Variants in SLC25A48 observed in about 807,000 individuals in gnomAD.
SLC25A48 encodes the protein CTC-321K16.1.
A neutral mutation model predicts 32.2 loss-of-function variants in SLC25A48; 29 were observed. The ratio of observed to expected loss-of-function variants is 0.90; its 90% CI spans 0.67 to 1.23. The LOEUF is 1.23. SLC25A48 is among the 50% of genes most tolerant of loss of function. SLC25A48 has a pLI of 0.00. For missense variants in SLC25A48, 399 were observed against 422.7 expected (o/e 0.94, Z 0.49); for synonymous variants, 164 against 172.3 (o/e 0.95, Z 0.38).
chr5:135,837,421 T>C (rs1484817579), intron 1 of SLC25A48, among the ~76,000 whole-genome samples: 4 of 152,182 alleles, frequency 2.6e-5, no homozygotes, highest in Non-Finnish European at 4.4e-5. Flanking sequence ...AACACAGATA[T>C]TTCCTTCCTC....
chr5:135,689,053 G>T (rs1343014160), intron 3 of SLC25A48, among the ~76,000 whole-genome samples: 1 of 152,110 alleles, frequency 6.6e-6, no homozygotes, highest in Admixed American at 6.6e-5. Flanking sequence ...TAAGATCAAG[G>T]CTACATAGCT....
chr5:135,717,031 A>C (rs1006983127), intron 3 of SLC25A48, among the ~76,000 whole-genome samples: 11 of 152,182 alleles, frequency 7.2e-5, no homozygotes, highest in African/African-American at 2.7e-4. Context: ...GCAACCCCCA[A>C]GCATGATGTT....
intron 3 of SLC25A48, among the ~76,000 whole-genome samples, chr5:135,809,822 C>T (rs1406285074): frequency 1.3e-5 from 2 of 152,164 alleles, no homozygotes; most frequent in African/African-American, 4.8e-5. Flanking sequence ...GTGAGTGGTA[C>T]TCCACGGTAC....
chr5:135,733,231 CT>C (rs916558221), intron 3 of SLC25A48, among the ~76,000 whole-genome samples: 1 of 152,166 alleles, frequency 6.6e-6, no homozygotes, highest in African/African-American at 2.4e-5. Context: ...CATAGCCTGC[CT>C]TTGCCGGTGA....
intron 4 of SLC25A48, among the ~76,000 whole-genome samples, chr5:135,871,072 C>G (rs907349431): frequency 1.2e-5 from 1 of 84,006 alleles, no homozygotes; most frequent in Non-Finnish European, 2.3e-5. Context: ...CACACACACA[C>G]ACACACACAC....
chr5:135,786,693 C>G (rs1241920238), intron 3 of SLC25A48, among the ~76,000 whole-genome samples: 1 of 151,238 alleles, frequency 6.6e-6, no homozygotes, highest in Non-Finnish European at 1.5e-5. Flanking sequence ...TCACCATGTG[C>G]GTACACCCTC....
intron 3 of SLC25A48, among the ~76,000 whole-genome samples, chr5:135,671,141 TC>T (rs1346375745): frequency 6.6e-6 from 1 of 151,932 alleles, no homozygotes; most frequent in Non-Finnish European, 1.5e-5. Flanking sequence ...AAAACCTAAC[TC>T]TAACATCAGA....
At chr5:135,627,282 G>A (rs1561764731) in intron 1 of SLC25A48, among the ~76,000 whole-genome samples, 1 of 152,178 alleles carries the variant, frequency 6.6e-6, no homozygotes, top group Non-Finnish European at 1.5e-5. Flanking sequence ...GAAGGAAGAA[G>A]CAGGGTATTT....
chr5:135,663,501 G>C (rs1753452916), intron 3 of SLC25A48, among the ~76,000 whole-genome samples: 1 of 152,160 alleles, frequency 6.6e-6, no homozygotes, highest in Admixed American at 6.5e-5. Context: ...AAGAACCAGT[G>C]CTCTAAAGTA....
rs114866024 is a variant in SLC25A48 at position 135,759,702 on chromosome 5, A to G, written c.-520-52821A>G. On this transcript the variant is annotated intron_variant, in intron 3 of 10. Transcript: ENST00000646290. ...AAGTAAGATGCAGTCCTTTGAATCT[A>G]GTACTCTCACTTAGCATAATGCTAA... Among the ~76,000 whole-genome samples the G allele has an allele frequency of 2.0e-3, 298 of 152,336 alleles. 1 individual carries two copies. The highest frequency in any genetic ancestry group is 6.8e-3 in the African/African-American group (283 of 41,582).
intron 3 of SLC25A48, among the ~76,000 whole-genome samples, chr5:135,641,149 A>G (rs1009477731): frequency 6.6e-6 from 1 of 152,248 alleles, no homozygotes; most frequent in Non-Finnish European, 1.5e-5. Flanking sequence ...TTGCAGGTCA[A>G]CATACACGAT....
intron 3 of SLC25A48, among the ~76,000 whole-genome samples, chr5:135,809,681 T>C (rs1168239650): frequency 6.6e-6 from 1 of 152,212 alleles, no homozygotes; most frequent in East Asian, 1.9e-4. Context: ...TGATCTGTCC[T>C]CTGTCCATGT....
At chr5:135,606,519 G>T (rs1751935118) in intron 1 of SLC25A48, among the ~76,000 whole-genome samples, 1 of 152,180 alleles carries the variant, frequency 6.6e-6, no homozygotes, top group Non-Finnish European at 1.5e-5. Flanking sequence ...CTGCAGCCCT[G>T]TGAGCCAGCA....
At chr5:135,881,752 A>G (rs903669953) in intron 7 of SLC25A48, among the ~76,000 whole-genome samples, 1 of 152,242 alleles carries the variant, frequency 6.6e-6, no homozygotes, top group African/African-American at 2.4e-5. Flanking sequence ...AACAGAAAGA[A>G]CAAAATAATA....
chr5:135,800,788 C>T (rs965570689), intron 3 of SLC25A48, among the ~76,000 whole-genome samples: 4 of 151,454 alleles, frequency 2.6e-5, no homozygotes, highest in East Asian at 3.9e-4. Context: ...TTGTAAGATC[C>T]GGTGGGGAGT....
intron 3 of SLC25A48, among the ~76,000 whole-genome samples, chr5:135,798,108 A>T (rs1757232960): frequency 6.6e-6 from 1 of 151,844 alleles, no homozygotes; most frequent in Non-Finnish European, 1.5e-5. Flanking sequence ...CACCCCTGTG[A>T]TATTGTTCCT....
At chr5:135,779,467 C>T (rs533982615) in intron 3 of SLC25A48, among the ~76,000 whole-genome samples, 1 of 151,860 alleles carries the variant, frequency 6.6e-6, no homozygotes, top group African/African-American at 2.4e-5. Flanking sequence ...GATATTTTTC[C>T]TAATATCCAA....
chr5:135,735,829 T>C (rs1304587525), intron 3 of SLC25A48, among the ~76,000 whole-genome samples: 1 of 152,080 alleles, frequency 6.6e-6, no homozygotes, highest in Non-Finnish European at 1.5e-5. Flanking sequence ...TTCAGTAGGG[T>C]CTGAGTGCTG....
intron 1 of SLC25A48, among the ~76,000 whole-genome samples, chr5:135,840,071 G>A (rs1758863839): frequency 6.6e-6 from 1 of 152,202 alleles, no homozygotes; most frequent in Non-Finnish European, 1.5e-5. Context: ...CCTTAGGGCA[G>A]CCTTGGTTCT....
Sources: allele counts gnomAD v4.1 joint callset (sites outside exome capture counted in the v4.1 genomes callset), GRCh38; gene constraint gnomAD v4.1.1; transcripts MANE v1.5; gene names NCBI Gene and HGNC (gene_info 2026-07-23, HGNC 2026-07-21).